Variants in RB1 observed in about 807,000 individuals in gnomAD.
RB1 encodes retinoblastoma-associated protein.
In RB1, 18 loss-of-function variants were observed where a neutral mutation model predicts 135.4. That is an observed-to-expected ratio of 0.13 (90% confidence interval 0.09 to 0.20). RB1 has a LOEUF of 0.20. Ranked by LOEUF, RB1 falls within the 10% of genes least tolerant of loss-of-function variation. RB1 has a pLI of 1.00. For missense variants in RB1, 868 were observed against 1,110.0 expected, an observed-to-expected ratio of 0.78 and a Z score of 3.10; for synonymous variants, 365 against 373.2, an observed-to-expected ratio of 0.98 and a Z score of 0.25.
chr13:48,316,951 T>C lies in RB1; in HGVS notation c.264+9545T>C, dbSNP rs147280553. On this transcript the variant is annotated intron_variant, in intron 2 of 26. Transcript: ENST00000267163. ...CTAACCAAGGCGTGCCCGCCCAAGG[T>C]GCCCTGGTCCTGGTCGTCCCTATCG... The C allele has an allele frequency of 6.7e-3, 2,475 of 367,502 alleles. 19 individuals carry two copies. The highest frequency in any genetic ancestry group is 0.012 in the Middle Eastern group (18 of 1,448). The allele number at this position is 367,502 out of a possible 1,614,324, so 22.8% of individuals were successfully genotyped here. A position where few individuals can be genotyped will look rare whatever the true frequency, so the allele number is the denominator to read the frequency against.
At chr13:48,336,250 A>G (rs1952384152) in intron 2 of RB1, among the ~76,000 whole-genome samples, 1 of 152,202 alleles carries the variant, frequency 6.6e-6, no homozygotes, top group Non-Finnish European at 1.5e-5. Flanking sequence ...GAATAGTTTC[A>G]GAAGGAATGG....
chr13:48,418,323 G>A (rs544720230), intron 17 of RB1, among the ~76,000 whole-genome samples: 3 of 152,252 alleles, frequency 2.0e-5, no homozygotes, highest in South Asian at 4.1e-4. Flanking sequence ...TCACAGATAA[G>A]CAAATGTTGA....
intron 17 of RB1, chr13:48,412,422 A>G (rs752088950): frequency 6.2e-7 from 1 of 1,612,102 alleles, no homozygotes; most frequent in South Asian, 1.1e-5. Flanking sequence ...AACGCTTACC[A>G]TCGTAAAGGC....
chr13:48,318,270 T>A, intron 2 of RB1: 1 of 920,712 alleles, frequency 1.1e-6, no homozygotes, highest in Non-Finnish European at 1.6e-6. Context: ...GTCTTTCCAG[T>A]CTCTCGGGAG....
At chr13:48,317,698 G>T in intron 2 of RB1, 1 of 547,580 alleles carries the variant, frequency 1.8e-6, no homozygotes, top group Non-Finnish European at 2.8e-6. Flanking sequence ...ATCCCCTTGG[G>T]CGGGAGCAGC....
intron 17 of RB1, chr13:48,423,978 T>G (rs142602502): frequency 5.9e-4 from 90 of 152,752 alleles, no homozygotes; most frequent in African/African-American, 2.1e-3. Context: ...TTAAAAAGAA[T>G]TATTCTAAAC....
At chr13:48,446,851 A>G (rs1949291306) in intron 17 of RB1, among the ~76,000 whole-genome samples, 1 of 152,232 alleles carries the variant, frequency 6.6e-6, no homozygotes, top group Non-Finnish European at 1.5e-5. Context: ...TTGTAAACCA[A>G]GATAAGGCAT....
intron 18 of RB1, among the ~76,000 whole-genome samples, chr13:48,455,201 C>A (rs969366211): frequency 1.3e-5 from 2 of 152,064 alleles, no homozygotes; most frequent in Admixed American, 6.5e-5. Context: ...TTAAAAATAA[C>A]CCTAGGTTTT....
chr13:48,439,121 C>T (rs570299598), intron 17 of RB1, among the ~76,000 whole-genome samples: 26 of 152,246 alleles, frequency 1.7e-4, no homozygotes, highest in Admixed American at 1.1e-3. Context: ...TAGCAGCTAA[C>T]GGCACAAGTT....
rs1952213782 is a variant in RB1 at position 48,319,291 on chromosome 13, G to A, written c.264+11885G>A. The A allele has an allele frequency of 1.4e-6, 1 of 711,478 alleles. No homozygotes were observed. The highest frequency in any genetic ancestry group is 1.8e-5 in the African/African-American group (1 of 55,028). The allele number at this position is 711,478 out of a possible 1,614,324, so 44.1% of individuals were successfully genotyped here. ...GCTTGTGCTGTGTGCGGGGTCAGGC[G>A]TCCTCTCTCCTCCCGGCGCTGGGCC... On this transcript the variant is annotated intron_variant, in intron 2 of 26. Coordinates refer to ENST00000267163, the MANE Select transcript of RB1 (RefSeq NM_000321.3). This position sits in a 1 kb window ranked among gnomAD's most constrained non-coding sequence, Gnocchi z 5.0.
At chr13:48,403,860 T>TA (rs1039973602) in intron 17 of RB1, among the ~76,000 whole-genome samples, 3 of 151,506 alleles carry the variant, frequency 2.0e-5, no homozygotes, top group Admixed American at 6.6e-5. Flanking sequence ...CCTATGAGAA[T>TA]AAAAAAAATG....
At chr13:48,477,462 G>A (rs2138361212) in intron 26 of RB1, 58 bp downstream of exon 26, 1 of 1,356,374 alleles carries the variant, frequency 7.4e-7, no homozygotes, top group Non-Finnish European at 1.1e-6. Flanking sequence ...ACTGCAAGAA[G>A]TCTTTTCGTT....
At chr13:48,436,571 A>C (rs532298875) in intron 17 of RB1, among the ~76,000 whole-genome samples, 1 of 152,146 alleles carries the variant, frequency 6.6e-6, no homozygotes, top group East Asian at 1.9e-4. Context: ...TGAACCCGGG[A>C]GACGGAGGTT....
intron 2 of RB1, among the ~76,000 whole-genome samples, chr13:48,310,001 T>C (rs1193125532): frequency 6.6e-6 from 1 of 152,168 alleles, no homozygotes; most frequent in Non-Finnish European, 1.5e-5. Context: ...TATTTATGGC[T>C]AGGTACTGGA....
rs1340542583 is a variant in RB1, at chr13:48,411,975, G to A, written c.1695+30532G>A. ...GTGGGTAGACTGAACAAAAACGGCG[G>A]GTGCACTTCCTCCGATCACAGTTAA... On this transcript the variant is annotated intron_variant, in intron 17 of 26. Coordinates refer to ENST00000267163, the MANE Select transcript of RB1 (RefSeq NM_000321.3). 14 of 1,602,518 alleles carry A rather than the reference G, an allele frequency of 8.7e-6. No homozygotes were observed. The highest frequency in any genetic ancestry group is 1.2e-5 in the Non-Finnish European group (14 of 1,173,786).
At chr13:48,343,932 C>G (rs1952469767) in intron 3 of RB1, among the ~76,000 whole-genome samples, 2 of 152,104 alleles carry the variant, frequency 1.3e-5, no homozygotes, top group Non-Finnish European at 2.9e-5. Context: ...TGCTGATTAG[C>G]TGAAGCTTTT....
chr13:48,317,197 G>T, intron 2 of RB1: 1 of 515,042 alleles, frequency 1.9e-6, no homozygotes, highest in Non-Finnish European at 3.1e-6. Flanking sequence ...ATGTCGGGCT[G>T]AAGAGGCTGG....
chr13:48,458,641 T>C (rs1269561814), intron 19 of RB1, among the ~76,000 whole-genome samples: 1 of 152,210 alleles, frequency 6.6e-6, no homozygotes, highest in East Asian at 1.9e-4. Context: ...ACCCTCCAGC[T>C]AAGTCTGATG....
chr13:48,459,210 A>G (rs1019550674), intron 19 of RB1, among the ~76,000 whole-genome samples: 22 of 152,230 alleles, frequency 1.4e-4, no homozygotes, highest in Admixed American at 2.0e-4. Context: ...TGCTAACACA[A>G]GGAATCAATT....
Sources: gnomAD v4.1 joint callset for allele counts (sites outside exome capture counted in the v4.1 genomes callset) on GRCh38, gnomAD v4.1.1 for gene constraint, Gnocchi (gnomAD v3.1) non-coding constraint, MANE v1.5 for transcripts, NCBI Gene and HGNC (gene_info 2026-07-23, HGNC 2026-07-21) for gene names.